The following GLMN variants were observed in gnomAD, a reference collection of about 807,000 sequenced individuals.
GLMN encodes glomulin.
Under a neutral mutation model 87.8 loss-of-function variants are expected in GLMN, and 75 were observed. That is an observed-to-expected ratio of 0.85 (90% CI 0.71 to 1.04). The LOEUF (loss-of-function observed/expected upper bound fraction) is 1.04. Among genes scored for constraint, GLMN ranks in the 50% least tolerant of loss-of-function variants. The pLI is 0.00. For missense variants in GLMN, 588 were observed against 658.8 expected, an observed-to-expected ratio of 0.89 and a Z score of 1.18; for synonymous variants, 206 against 221.6, an observed-to-expected ratio of 0.93 and a Z score of 0.63.
the GLMN span, chr1:92,304,268 A>G: frequency 4.9e-6 from 7 of 1,414,506 alleles, no homozygotes; most frequent in Admixed American, 1.9e-5. Flanking sequence ...TGTAAGCTGT[A>G]CTTTCTTTTC....
At chr1:92,320,417 C>T in the GLMN span, among the ~76,000 whole-genome samples, 5 of 151,994 alleles carry the variant, frequency 3.3e-5, no homozygotes, top group African/African-American at 4.8e-5. Context: ...GGACTACAGG[C>T]GCGCACCGCC....
At chr1:92,249,505 T>C (rs1653161666) in intron 16 of GLMN, among the ~76,000 whole-genome samples, 1 of 152,080 alleles carries the variant, frequency 6.6e-6, no homozygotes, top group Admixed American at 6.6e-5. Context: ...CCTTTTTCTT[T>C]TACTGATACA....
chr1:92,259,031 T>C (rs1299397440), intron 16 of GLMN, among the ~76,000 whole-genome samples: 3 of 152,230 alleles, frequency 2.0e-5, no homozygotes, highest in Non-Finnish European at 4.4e-5. Context: ...AATTCAATTT[T>C]AAAATTCCTG....
upstream of GLMN, chr1:92,301,729 G>A (rs961383738): frequency 6.1e-5 from 26 of 423,826 alleles, no homozygotes; most frequent in Non-Finnish European, 1.1e-4. Context: ...TATAATTCAT[G>A]CATTTAAAAA....
chr1:92,299,042 G>C, upstream of GLMN: 2 of 1,329,584 alleles, frequency 1.5e-6, no homozygotes, highest in South Asian at 1.4e-5. Flanking sequence ...AGACGCCGGA[G>C]CGTGTCCCCG....
chr1:92,247,777 A>G, intron 17 of GLMN, 101 bp downstream of exon 17: 2 of 694,352 alleles, frequency 2.9e-6, no homozygotes, highest in South Asian at 3.1e-5. Flanking sequence ...TATGGTCTCT[A>G]AAGTACAAGA....
In GLMN at chr1:92,265,084, G is replaced by A. The variant is rs551871494; in HGVS notation, c.1215-446C>T. On this transcript the variant is annotated intron_variant, in intron 13 of 18. Transcript: ENST00000370360. Reference sequence around the variant, plus strand: ...TCTCAAACTCCTGACCTCGTGATCCGCCTGCCTCAGCCTCCCAAAGTGCTG... The same window carrying A: ...TCTCAAACTCCTGACCTCGTGATCCACCTGCCTCAGCCTCCCAAAGTGCTG... Among the ~76,000 whole-genome samples the A allele has an allele frequency of 1.4e-4, 21 of 152,040 alleles. No homozygotes were observed. In the South Asian group the frequency reaches 1.5e-3, roughly 11 times the overall value.
the GLMN span, among the ~76,000 whole-genome samples, chr1:92,365,129 G>A: frequency 1.3e-5 from 2 of 152,060 alleles, no homozygotes; most frequent in South Asian, 4.1e-4. Context: ...CTCCTTAGAA[G>A]CCTTCCTTAA....
chr1:92,336,655 G>A, the GLMN span, among the ~76,000 whole-genome samples: 1 of 152,014 alleles, frequency 6.6e-6, no homozygotes, highest in Non-Finnish European at 1.5e-5. Flanking sequence ...TTTATTTACG[G>A]AATAGCCTAA....
chr1:92,260,661 C>T (rs577714689), intron 16 of GLMN, among the ~76,000 whole-genome samples: 1 of 147,138 alleles, frequency 6.8e-6, no homozygotes, highest in African/African-American at 2.5e-5. Context: ...GGGAGGCTGA[C>T]GTGGGAGGAT....
intron 16 of GLMN, among the ~76,000 whole-genome samples, chr1:92,256,576 C>T (rs2100824841): frequency 6.6e-6 from 1 of 152,302 alleles, no homozygotes. Flanking sequence ...TGGCTTCATC[C>T]CTGTGATTCA....
At chr1:92,332,267 TCTTA>T in the GLMN span, among the ~76,000 whole-genome samples, 1 of 152,108 alleles carries the variant, frequency 6.6e-6, no homozygotes, top group South Asian at 2.1e-4. Context: ...CCCCATTAGT[TCTTA>T]CTTTTAAATA....
At chr1:92,321,626 C>T in the GLMN span, among the ~76,000 whole-genome samples, 8 of 152,090 alleles carry the variant, frequency 5.3e-5, no homozygotes, top group African/African-American at 1.4e-4. Context: ...TTCCCTTTTT[C>T]GTAATTCTTC....
At chr1:92,303,382 A>G (rs1019936080), upstream of GLMN, among the ~76,000 whole-genome samples, 4 of 152,200 alleles carry the variant, frequency 2.6e-5, no homozygotes, top group African/African-American at 9.6e-5. Flanking sequence ...AAAGATCTCA[A>G]AGTTATGAAC....
the GLMN span, among the ~76,000 whole-genome samples, chr1:92,309,279 TA>T: frequency 1.3e-5 from 2 of 152,002 alleles, no homozygotes; most frequent in South Asian, 4.2e-4. Flanking sequence ...CTGTCTCTAC[TA>T]AAAATACAAA....
At chr1:92,317,204 T>A in the GLMN span, among the ~76,000 whole-genome samples, 1 of 152,164 alleles carries the variant, frequency 6.6e-6, no homozygotes, top group Admixed American at 6.5e-5. Context: ...TTCGGTTTCC[T>A]CATCTATAAA....
chr1:92,259,984 C>T (rs906514193), intron 16 of GLMN, among the ~76,000 whole-genome samples: 1 of 152,046 alleles, frequency 6.6e-6, no homozygotes, highest in Admixed American at 6.5e-5. Flanking sequence ...AACCGCCCGC[C>T]TTGGCCTTCC....
At chr1:92,247,749 A>G in intron 17 of GLMN, 129 bp downstream of exon 17, 2 of 624,274 alleles carry the variant, frequency 3.2e-6, no homozygotes, top group Non-Finnish European at 2.9e-6. Context: ...TTAACTATAA[A>G]TAAAATGGCT....
At chr1:92,343,246 A>G in the GLMN span, among the ~76,000 whole-genome samples, 2 of 152,154 alleles carry the variant, frequency 1.3e-5, no homozygotes. Flanking sequence ...TGCTGGACAG[A>G]TTAAGATGAG....
Sources: allele counts gnomAD v4.1 joint callset (sites outside exome capture counted in the v4.1 genomes callset), GRCh38; gene constraint gnomAD v4.1.1; transcripts MANE v1.5; gene names NCBI Gene and HGNC (gene_info 2026-07-23, HGNC 2026-07-21).